Variants in SNX29 observed in about 807,000 individuals in gnomAD.
The protein encoded by SNX29 is sorting nexin-29.
In SNX29, 78 loss-of-function variants were observed where a neutral mutation model predicts 102.1. That is an observed-to-expected ratio of 0.76 (90% confidence interval 0.64 to 0.92). SNX29 has a LOEUF of 0.92. Ranked by LOEUF, SNX29 falls within the 40% of genes least tolerant of loss-of-function variation. SNX29 has a pLI of 0.00. For missense variants in SNX29, 1,280 were observed against 1,061.7 expected, an observed-to-expected ratio of 1.21 and a Z score of -2.86; for synonymous variants, 580 against 414.5, an observed-to-expected ratio of 1.40 and a Z score of -4.85.
At chr16:12,099,898 T>C (rs1273074590) in intron 11 of SNX29, among the ~76,000 whole-genome samples, 1 of 152,134 alleles carries the variant, frequency 6.6e-6, no homozygotes, top group African/African-American at 2.4e-5. Context: ...CTGTGAGCGC[T>C]AGGCATGATG....
chr16:12,137,187 G>C (rs2054695213), intron 13 of SNX29, among the ~76,000 whole-genome samples: 1 of 152,204 alleles, frequency 6.6e-6, no homozygotes, highest in Non-Finnish European at 1.5e-5. Context: ...GGTTACATCA[G>C]CTGAGGCTCC....
rs1466259423 is a variant in SNX29 at position 12,442,775 on chromosome 16, G to C, written c.2038-34944G>C. Among the ~76,000 whole-genome samples the C allele has an allele frequency of 2.0e-5, 3 of 151,922 alleles. No individual in the cohort carries two copies. In the East Asian group the frequency reaches 5.8e-4, roughly 29 times the overall value. ...CTGGCTAATTTTTTCTTTATTATTT[G>C]CAGAGACAAGGTCTCACTATGTTGC... On this transcript the variant is annotated intron_variant, in intron 18 of 20. Coordinates refer to ENST00000566228, the MANE Select transcript of SNX29 (RefSeq NM_032167.5).
chr16:12,107,899 A>G (rs1045891181), intron 11 of SNX29, among the ~76,000 whole-genome samples: 3 of 152,154 alleles, frequency 2.0e-5, no homozygotes, highest in East Asian at 3.9e-4. Flanking sequence ...TTTAAGTGAT[A>G]GAATTAGGTA....
intron 19 of SNX29, among the ~76,000 whole-genome samples, chr16:12,479,228 A>G (rs181485203): frequency 5.3e-5 from 8 of 152,364 alleles, no homozygotes; most frequent in East Asian, 3.9e-4. Flanking sequence ...CTGCCGTTCT[A>G]TCTTTTGACA....
At chr16:12,301,363 C>T (rs1189368326) in intron 15 of SNX29, among the ~76,000 whole-genome samples, 2 of 152,308 alleles carry the variant, frequency 1.3e-5, no homozygotes, top group East Asian at 3.9e-4. Flanking sequence ...ACTCTCCAGC[C>T]CCCTCAGCCT....
intron 14 of SNX29, among the ~76,000 whole-genome samples, chr16:12,231,025 A>T (rs2077754342): frequency 6.6e-6 from 1 of 151,784 alleles, no homozygotes; most frequent in African/African-American, 2.4e-5. Context: ...TAATTTTAAT[A>T]TTTTTTTATT....
At chr16:12,086,295 C>T (rs372028813) in intron 11 of SNX29, among the ~76,000 whole-genome samples, 4 of 152,252 alleles carry the variant, frequency 2.6e-5, no homozygotes, top group South Asian at 2.1e-4. Flanking sequence ...TGAGCCACCG[C>T]GCCTGGCCAC....
intron 3 of SNX29, among the ~76,000 whole-genome samples, chr16:12,014,872 C>T (rs1460043325): frequency 6.6e-6 from 1 of 151,920 alleles, no homozygotes; most frequent in Non-Finnish European, 1.5e-5. Context: ...TTCTGCTATT[C>T]TCAAACCTTC....
chr16:12,215,541 A>G (rs978408500), intron 14 of SNX29, among the ~76,000 whole-genome samples: 1 of 152,152 alleles, frequency 6.6e-6, no homozygotes, highest in Non-Finnish European at 1.5e-5. Flanking sequence ...GGGTAGGCAC[A>G]GGAACCTGGG....
chr16:12,548,880 C>A (rs144731678), intron 20 of SNX29, among the ~76,000 whole-genome samples: 1 of 152,214 alleles, frequency 6.6e-6, no homozygotes, highest in African/African-American at 2.4e-5. Context: ...TTGGCCTGAA[C>A]CCTACACATA....
intron 18 of SNX29, among the ~76,000 whole-genome samples, chr16:12,459,144 C>A (rs1276712903): frequency 1.4e-5 from 2 of 143,286 alleles, no homozygotes; most frequent in Non-Finnish European, 3.1e-5. Flanking sequence ...CCCCCTCCTC[C>A]CCCTCTCCAC....
intron 19 of SNX29, among the ~76,000 whole-genome samples, chr16:12,501,782 C>T (rs899534864): frequency 2.7e-5 from 4 of 150,132 alleles, no homozygotes; most frequent in Non-Finnish European, 5.9e-5. Flanking sequence ...ATGGTTCCTG[C>T]CCTCATGGAA....
At chr16:12,033,988 C>G (rs1317816647) in intron 4 of SNX29, among the ~76,000 whole-genome samples, 3 of 152,094 alleles carry the variant, frequency 2.0e-5, no homozygotes, top group African/African-American at 7.2e-5. Flanking sequence ...ACCCTGACTT[C>G]AGAACATGCT....
intron 15 of SNX29, among the ~76,000 whole-genome samples, chr16:12,330,602 G>A (rs932422885): frequency 1.3e-5 from 2 of 152,182 alleles, no homozygotes; most frequent in Non-Finnish European, 2.9e-5. Flanking sequence ...AGTCCCAGTG[G>A]GTTGAAATAG....
At chr16:12,380,189 C>T (rs1473953303) in intron 16 of SNX29, among the ~76,000 whole-genome samples, 2 of 152,012 alleles carry the variant, frequency 1.3e-5, no homozygotes, top group Admixed American at 6.6e-5. Flanking sequence ...ACCTTGGTCT[C>T]GGTTCCAGGG....
At chr16:12,140,598 C>T (rs1028762379) in intron 13 of SNX29, among the ~76,000 whole-genome samples, 25 of 152,250 alleles carry the variant, frequency 1.6e-4, no homozygotes, top group African/African-American at 5.1e-4. Flanking sequence ...GGGCTTGTGA[C>T]GCTTGGATTC....
At chr16:12,536,175 CATCACTCAGA>C in intron 20 of SNX29, among the ~76,000 whole-genome samples, 1 of 152,164 alleles carries the variant, frequency 6.6e-6, no homozygotes, top group Non-Finnish European at 1.5e-5. Flanking sequence ...GCTTAGCACA[CATCACTCAGA>C]AGATAAAGGA....
chr16:12,411,712 C>T (rs2084404748), intron 18 of SNX29, among the ~76,000 whole-genome samples: 2 of 152,130 alleles, frequency 1.3e-5, no homozygotes, highest in Admixed American at 6.5e-5. Context: ...AGCAAGAAGG[C>T]AGGCTGTGTG....
chr16:12,259,547 G>T (rs1395891617), intron 14 of SNX29, among the ~76,000 whole-genome samples: 2 of 152,212 alleles, frequency 1.3e-5, no homozygotes, highest in Admixed American at 6.5e-5. Flanking sequence ...CTGAGGAGCG[G>T]ATTGAAGCCA....
Sources: allele counts gnomAD v4.1 joint callset (sites outside exome capture counted in the v4.1 genomes callset), GRCh38; gene constraint gnomAD v4.1.1; transcripts MANE v1.5; gene names NCBI Gene and HGNC (gene_info 2026-07-23, HGNC 2026-07-21).